The following AKR1C3 variants were observed in gnomAD, a reference collection of about 807,000 sequenced individuals.
AKR1C3 encodes 3-alpha hydroxysteroid dehydrogenase, type II.
AKR1C3 carries 48 observed loss-of-function variants against 43.6 expected under a neutral mutation model. The observed-to-expected ratio is 1.10, with a 90% confidence interval of 0.87 to 1.40. The LOEUF (loss-of-function observed/expected upper bound fraction) is 1.40, where lower values mean the gene tolerates loss of function less well. AKR1C3 is among the 40% of genes most tolerant of loss of function. The pLI, the probability that AKR1C3 is intolerant of heterozygous loss-of-function variation, is 0.00. For missense variants in AKR1C3, 482 were observed against 391.2 expected, an observed-to-expected ratio of 1.23 and a Z score of -1.96; for synonymous variants, 162 against 139.6, an observed-to-expected ratio of 1.16 and a Z score of -1.13.
intron 5 of AKR1C3, among the ~76,000 whole-genome samples, chr10:5,101,782 A>G (rs556767854): frequency 2.6e-5 from 4 of 152,210 alleles, no homozygotes; most frequent in East Asian, 1.9e-4. Flanking sequence ...TTCTGGCACA[A>G]TCTGAAGCCC....
rs184891699 is a variant in AKR1C3 at position 5,098,954 on chromosome 10, G to A, written c.447+75G>A. On this transcript the variant is annotated intron_variant, in intron 4 of 8. Coordinates refer to ENST00000380554, the MANE Select transcript of AKR1C3 (RefSeq NM_003739.6). ...TCTGTTTCCCAGGTTCAATAGGAAA[G>A]AATGGAATATGCACCATTAGATCTA... is the stretch of plus-strand genomic sequence containing the variant. 272 of 1,208,554 alleles carry A rather than the reference G, an allele frequency of 2.3e-4. 1 individual carries two copies. The African/African-American group carries it at 3.3e-3, about 15-fold the overall frequency. 74.9% of individuals were successfully genotyped at this position (1,208,554 alleles called of 1,614,324 possible).
chr10:5,106,941 AAAGG>A (rs1337579234), intron 8 of AKR1C3, among the ~76,000 whole-genome samples: 6 of 152,188 alleles, frequency 3.9e-5, no homozygotes, highest in Non-Finnish European at 1.5e-5. Context: ...CATGTAAAAG[AAAGG>A]AAGAGTAGCG....
chr10:5,060,497 G>T (rs1441440114), intron 1 of AKR1C3, among the ~76,000 whole-genome samples: 2 of 152,186 alleles, frequency 1.3e-5, no homozygotes, highest in Non-Finnish European at 2.9e-5. Context: ...GTTAGACACA[G>T]GGTGCTGATT....
Position 5,105,671 on chromosome 10 carries a change from G to A in AKR1C3, c.923G>A (p.Ser308Asn), listed in dbSNP as rs941933106. The A allele has an allele frequency of 1.2e-6, 2 of 1,612,092 alleles. No individual in the cohort carries two copies. Among genetic ancestry groups the A allele is most frequent in the Non-Finnish European group, 8.5e-7 (1 of 1,178,412 alleles). ...GACAGAAATCTCCACTATTTTAACA[G>A]TGATAGGTAAGTTTCCTTTGTAAAT... ...GLDRNLHYFNSDSFASHPNYP... is the reference protein window; with the variant it reads ...GLDRNLHYFNNDSFASHPNYP... The change falls in exon 8 of 9, where the codon AGT becomes AAT. Residue 308 changes from serine (S) to asparagine (N), a missense_variant. Transcript: ENST00000380554.
chr10:5,102,025 T>G, intron 5 of AKR1C3, 76 bp from the exon 6 acceptor site: 1 of 927,448 alleles, frequency 1.1e-6, no homozygotes, highest in African/African-American at 1.7e-5. Flanking sequence ...TTATTCAGCT[T>G]CCTTACTTTC....
At chr10:5,085,092 T>G (rs1280597836) in intron 1 of AKR1C3, among the ~76,000 whole-genome samples, 1 of 152,110 alleles carries the variant, frequency 6.6e-6, no homozygotes, top group Non-Finnish European at 1.5e-5. Flanking sequence ...CTGATTGCCC[T>G]GGCCAGAACT....
intron 1 of AKR1C3, among the ~76,000 whole-genome samples, chr10:5,057,675 T>C (rs1389190820): frequency 6.6e-6 from 1 of 152,200 alleles, no homozygotes; most frequent in Non-Finnish European, 1.5e-5. Flanking sequence ...GGTCAACAGA[T>C]GTTTACGACT....
intron 1 of AKR1C3, among the ~76,000 whole-genome samples, chr10:5,074,478 C>CT (rs782722768): frequency 1.6e-4 from 25 of 152,342 alleles, no homozygotes; most frequent in South Asian, 1.0e-3. Context: ...CAGGCTTTCT[C>CT]TGAGGCTTTC....
At chr10:5,080,317 G>A (rs1190178439) in intron 1 of AKR1C3, among the ~76,000 whole-genome samples, 2 of 152,108 alleles carry the variant, frequency 1.3e-5, no homozygotes, top group Non-Finnish European at 2.9e-5. Context: ...CTTTAGTTTT[G>A]TAATTATAAG....
intron 3 of AKR1C3, chr10:5,097,930 C>G: frequency 9.6e-7 from 1 of 1,044,464 alleles, no homozygotes; most frequent in East Asian, 1.0e-4. Context: ...GAGTTTCCAC[C>G]ATCTCTCCCC....
At chr10:5,082,624 C>T (rs1211117798) in intron 1 of AKR1C3, among the ~76,000 whole-genome samples, 1 of 152,064 alleles carries the variant, frequency 6.6e-6, no homozygotes, top group Non-Finnish European at 1.5e-5. Flanking sequence ...TTTAATCATC[C>T]TTGCATCCCT....
At chr10:5,096,667 T>A (rs1244251490) in intron 2 of AKR1C3, 90 bp downstream of exon 2, 1 of 1,465,182 alleles carries the variant, frequency 6.8e-7, no homozygotes, top group African/African-American at 1.4e-5. Context: ...TAGTTGTGGG[T>A]GAATTTTGCT....
chr10:5,096,210 G>GCA, intron 1 of AKR1C3, 200 bp from the exon 2 acceptor site: 1 of 551,722 alleles, frequency 1.8e-6, no homozygotes, highest in East Asian at 3.0e-5. Context: ...ATCAACCAGA[G>GCA]ATTGCCTGAG....
At chr10:5,060,469 T>C (rs1273167496) in intron 1 of AKR1C3, among the ~76,000 whole-genome samples, 6 of 152,184 alleles carry the variant, frequency 3.9e-5, no homozygotes, top group African/African-American at 1.4e-4. Flanking sequence ...TGTCGATTGG[T>C]GCATTCACAA....
chr10:5,099,199 T>A, intron 4 of AKR1C3, 128 bp from the exon 5 acceptor site: 1 of 1,480,754 alleles, frequency 6.8e-7, no homozygotes, highest in South Asian at 1.4e-5. Flanking sequence ...TTTTCTTTTT[T>A]TGACAATCAC....
intron 1 of AKR1C3, among the ~76,000 whole-genome samples, chr10:5,083,074 AT>A (rs1320675691): frequency 2.0e-4 from 13 of 64,728 alleles, no homozygotes; most frequent in East Asian, 1.4e-3. Flanking sequence ...TATTTTCTCT[AT>A]TTTTTTTTAT....
In AKR1C3 at chr10:5,107,512, G is replaced by T. The variant is rs782818884; in HGVS notation, c.*9G>T. The T allele has an allele frequency of 1.9e-6, 3 of 1,582,418 alleles. No homozygotes were observed. Among genetic ancestry groups the T allele is most frequent in the Non-Finnish European group, 2.6e-6 (3 of 1,152,444 alleles). ...ATTCAGATGAATATTAACATGGAGG[G>T]CTTTGCCTGATGTCTACCAGAAGCC... On this transcript the variant is annotated 3_prime_UTR_variant, in exon 9 of 9. Coordinates refer to ENST00000380554, the MANE Select transcript of AKR1C3 (RefSeq NM_003739.6).
chr10:5,054,229 T>G (rs774414816), intron 1 of AKR1C3, among the ~76,000 whole-genome samples: 1 of 152,228 alleles, frequency 6.6e-6, no homozygotes, highest in Non-Finnish European at 1.5e-5. Flanking sequence ...TATTTGGGAT[T>G]GTAAAGTAAG....
At chr10:5,061,051 AGC>A (rs1838373120) in intron 1 of AKR1C3, among the ~76,000 whole-genome samples, 1 of 152,090 alleles carries the variant, frequency 6.6e-6, no homozygotes, top group Non-Finnish European at 1.5e-5. Context: ...AAGCTGAGGG[AGC>A]GAGCTCTGGC....
Sources: allele counts gnomAD v4.1 joint callset (sites outside exome capture counted in the v4.1 genomes callset), GRCh38; gene constraint gnomAD v4.1.1; transcripts MANE v1.5; gene names NCBI Gene and HGNC (gene_info 2026-07-23, HGNC 2026-07-21).